The following TP63 variants were observed in gnomAD, a reference collection of about 807,000 sequenced individuals.
TP63 encodes the protein tumor protein 63.
A neutral mutation model predicts 82.8 loss-of-function variants in TP63; 17 were observed. The ratio of observed to expected loss-of-function variants is 0.21; its 90% CI spans 0.14 to 0.31. TP63 has a LOEUF of 0.31. TP63 is among the 10% of genes least tolerant of loss of function. The probability of loss-of-function intolerance (pLI) is 1.00; values close to 1 mark genes in which losing one functional copy is unlikely to be tolerated. For synonymous variants in TP63, 330 were observed against 321.7 expected, an observed-to-expected ratio of 1.03 and a Z score of -0.28; for missense variants, 648 against 895.3, an observed-to-expected ratio of 0.72 and a Z score of 3.52.
In TP63 at chr3:189,802,519, C is replaced by T. The variant is rs149074558; in HGVS notation, c.325-5753C>T. ...CAGAATGTTAGAACTGGAGATCCCT[C>T]TCATTGAATCCTCAAATTCAGTCTC... On this transcript the variant is annotated intron_variant, in intron 3 of 13. Coordinates refer to ENST00000264731, the MANE Select transcript of TP63 (RefSeq NM_003722.5). Among the ~76,000 whole-genome samples, 894 of 152,282 alleles carry T rather than the reference C, an allele frequency of 5.9e-3. 10 individuals carry two copies. Among genetic ancestry groups the T allele is most frequent in the Non-Finnish European group, 8.2e-3 (557 of 68,026 alleles).
At chr3:189,881,132 A>G in intron 10 of TP63, 1 of 985,362 alleles carries the variant, frequency 1.0e-6, no homozygotes, top group African/African-American at 1.7e-5. Flanking sequence ...TACCTACCAT[A>G]AAACCAGCCA....
intron 3 of TP63, among the ~76,000 whole-genome samples, chr3:189,786,082 A>G (rs1363606877): frequency 1.3e-5 from 2 of 152,078 alleles, no homozygotes; most frequent in African/African-American, 4.8e-5. Flanking sequence ...AGGGATGTCA[A>G]ATGGAGCCAT....
chr3:189,645,166 T>C (rs572148712), intron 1 of TP63, among the ~76,000 whole-genome samples: 1 of 152,366 alleles, frequency 6.6e-6, no homozygotes, highest in Admixed American at 6.5e-5. Flanking sequence ...AAATGCTTAC[T>C]TTCAAACTTG....
At chr3:189,659,542 T>C (rs1453344923) in intron 1 of TP63, among the ~76,000 whole-genome samples, 1 of 152,062 alleles carries the variant, frequency 6.6e-6, no homozygotes, top group Non-Finnish European at 1.5e-5. Context: ...GAGTGCATTT[T>C]TAATAAAATA....
chr3:189,795,318 A>C (rs1225452843), intron 3 of TP63, among the ~76,000 whole-genome samples: 2 of 152,100 alleles, frequency 1.3e-5, no homozygotes, highest in African/African-American at 2.4e-5. Context: ...CTGTGAGGAA[A>C]GAAGAAATTA....
upstream of TP63, among the ~76,000 whole-genome samples, chr3:189,627,834 C>A (rs1222567072): frequency 6.6e-6 from 1 of 152,066 alleles, no homozygotes; most frequent in South Asian, 2.1e-4. Context: ...TAATGTGTCA[C>A]CTCCTCAGAC....
chr3:189,884,689 G>T (rs1262702451), intron 10 of TP63, among the ~76,000 whole-genome samples: 1 of 152,180 alleles, frequency 6.6e-6, no homozygotes, highest in Non-Finnish European at 1.5e-5. Context: ...ATCTATAATT[G>T]TGAGTATTTG....
intron 4 of TP63, among the ~76,000 whole-genome samples, chr3:189,810,024 T>G (rs1727357208): frequency 6.6e-6 from 1 of 152,198 alleles, no homozygotes; most frequent in African/African-American, 2.4e-5. Context: ...ATTAATGTTA[T>G]TTTAGTTCTT....
chr3:189,682,594 A>ATATATC (rs1188283491), intron 1 of TP63, among the ~76,000 whole-genome samples: 1 of 139,614 alleles, frequency 7.2e-6, no homozygotes, highest in African/African-American at 2.6e-5. Flanking sequence ...ATATATATAT[A>ATATATC]TCCTATTCAC....
chr3:189,871,286 C>G (rs780479261), intron 9 of TP63, among the ~76,000 whole-genome samples: 1 of 152,030 alleles, frequency 6.6e-6, no homozygotes, highest in Non-Finnish European at 1.5e-5. Flanking sequence ...AGACCTTGAG[C>G]ATTTAGAGTT....
chr3:189,669,981 T>C (rs796365060), intron 1 of TP63, among the ~76,000 whole-genome samples: 7 of 151,946 alleles, frequency 4.6e-5, no homozygotes, highest in Admixed American at 2.0e-4. Flanking sequence ...GTTTGTCCTA[T>C]TGAATTAACA....
At chr3:189,635,625 A>T (rs1729727511) in intron 1 of TP63, among the ~76,000 whole-genome samples, 1 of 152,072 alleles carries the variant, frequency 6.6e-6, no homozygotes, top group Admixed American at 6.6e-5. Flanking sequence ...CCCTTGCTGC[A>T]GGTCCGAGTC....
intron 4 of TP63, among the ~76,000 whole-genome samples, chr3:189,811,730 G>A (rs1269056940): frequency 2.0e-5 from 3 of 152,188 alleles, no homozygotes; most frequent in Non-Finnish European, 4.4e-5. Context: ...ACTTGAAGAT[G>A]TAAAGGTCAC....
chr3:189,771,327 T>TATATAATATATTATATATTTATAA (rs1553835381), intron 3 of TP63, among the ~76,000 whole-genome samples: 1 of 131,722 alleles, frequency 7.6e-6, no homozygotes, highest in African/African-American at 3.2e-5. Flanking sequence ...TATATATTTA[T>TATATAATATATTATATATTTATAA]ATATAATATA....
At chr3:189,692,432 T>C (rs1394460667) in intron 1 of TP63, among the ~76,000 whole-genome samples, 1 of 151,996 alleles carries the variant, frequency 6.6e-6, no homozygotes, top group East Asian at 1.9e-4. Flanking sequence ...CTCCTTTTCA[T>C]CCTTCCCCTT....
intron 1 of TP63, chr3:189,645,409 C>T (rs952321535): frequency 8.6e-6 from 4 of 463,362 alleles, no homozygotes; most frequent in African/African-American, 5.9e-5. Context: ...GGAATGACTT[C>T]TGCTACTCCA....
chr3:189,861,230 A>G (rs928268708), intron 4 of TP63, among the ~76,000 whole-genome samples: 31 of 152,146 alleles, frequency 2.0e-4, no homozygotes, highest in African/African-American at 6.5e-4. Context: ...TATCTCCCAC[A>G]TATAAGTGAG....
At chr3:189,699,066 A>G (rs942023497) in intron 1 of TP63, among the ~76,000 whole-genome samples, 1 of 152,170 alleles carries the variant, frequency 6.6e-6, no homozygotes, top group African/African-American at 2.4e-5. Flanking sequence ...TCCTCCATTC[A>G]CAAAGCTTAC....
intron 1 of TP63, among the ~76,000 whole-genome samples, chr3:189,651,418 A>G (rs1422144691): frequency 1.4e-5 from 2 of 146,018 alleles, no homozygotes; most frequent in East Asian, 2.4e-4. Flanking sequence ...TGGTGGCAGA[A>G]GCTTGTAATC....
Sources: gnomAD v4.1 joint callset for allele counts (sites outside exome capture counted in the v4.1 genomes callset) on GRCh38, gnomAD v4.1.1 for gene constraint, MANE v1.5 for transcripts, NCBI Gene and HGNC (gene_info 2026-07-23, HGNC 2026-07-21) for gene names.